Variants in RILPL1 observed in about 807,000 individuals in gnomAD.
RILPL1 encodes the protein RILP-like protein 1.
A neutral mutation model predicts 50.3 loss-of-function variants in RILPL1; 33 were observed. The observed-to-expected ratio is 0.66, with a 90% CI of 0.50 to 0.88. RILPL1 has a LOEUF of 0.88. Ranked by LOEUF, RILPL1 falls within the 40% of genes least tolerant of loss-of-function variation. The pLI, the probability that RILPL1 is intolerant of heterozygous loss-of-function variation, is 0.00. For missense variants in RILPL1, 418 were observed against 542.5 expected (o/e 0.77, Z 2.28); for synonymous variants, 205 against 228.6 (o/e 0.90, Z 0.93).
chr12:123,511,769 TTG>T (rs1245413492), intron 2 of RILPL1, among the ~76,000 whole-genome samples: 18 of 73,762 alleles, frequency 2.4e-4, no homozygotes, highest in Admixed American at 4.2e-4. Context: ...TGTGTGAGGT[TTG>T]TGTGTGTGTG....
chr12:123,528,285 G>A (rs1885326934), intron 1 of RILPL1, among the ~76,000 whole-genome samples: 1 of 151,352 alleles, frequency 6.6e-6, no homozygotes, highest in Non-Finnish European at 1.5e-5. Flanking sequence ...CTTGAGCCCA[G>A]GAGGCTGAAG....
intron 1 of RILPL1, among the ~76,000 whole-genome samples, chr12:123,525,716 A>AAAAAAAAAAAAAAAAAAAAC (rs1885226754): frequency 7.5e-6 from 1 of 133,380 alleles, no homozygotes; most frequent in African/African-American, 2.6e-5. Context: ...AAAAAAAAAA[A>AAAAAAAAAAAAAAAAAAAAC]AAAAAAAAGA....
intron 6 of RILPL1, chr12:123,475,552 C>T (rs1309876814): frequency 3.1e-5 from 22 of 704,928 alleles, no homozygotes; most frequent in South Asian, 6.1e-5. Context: ...ACACAGGTGG[C>T]GGCCATGCAG....
chr12:123,496,046 CCT>C (rs1001295740), intron 4 of RILPL1, among the ~76,000 whole-genome samples: 10 of 148,180 alleles, frequency 6.7e-5, no homozygotes, highest in African/African-American at 1.7e-4. Flanking sequence ...GAGTCTCACC[CCT>C]GTCGCCCAGG....
At chr12:123,511,580 G>GT in intron 2 of RILPL1, among the ~76,000 whole-genome samples, 1 of 134,656 alleles carries the variant, frequency 7.4e-6, no homozygotes, top group South Asian at 2.5e-4. Context: ...TGAGGTCTGT[G>GT]GGTGGTGTGA....
At chr12:123,521,183 G>A (rs570306469) in intron 2 of RILPL1, among the ~76,000 whole-genome samples, 277 of 152,128 alleles carry the variant, frequency 1.8e-3, no homozygotes, top group Non-Finnish European at 2.6e-3. Flanking sequence ...GATTCTAAGC[G>A]GTCTGTACAG....
chr12:123,520,228 T>C (rs1358461216), intron 2 of RILPL1, among the ~76,000 whole-genome samples: 1 of 152,170 alleles, frequency 6.6e-6, no homozygotes, highest in Non-Finnish European at 1.5e-5. Flanking sequence ...ACATGCAGTA[T>C]GGCCATAGAA....
intron 4 of RILPL1, among the ~76,000 whole-genome samples, chr12:123,496,787 T>C (rs886837334): frequency 6.6e-6 from 1 of 152,230 alleles, no homozygotes; most frequent in African/African-American, 2.4e-5. Context: ...GCCCACTTTG[T>C]AGCCCTGGGC....
intron 2 of RILPL1, among the ~76,000 whole-genome samples, chr12:123,504,304 ATTTC>A (rs989098072): frequency 6.6e-6 from 1 of 151,778 alleles, no homozygotes; most frequent in Non-Finnish European, 1.5e-5. Context: ...CCCCTCAGCT[ATTTC>A]TTTGGCATGA....
intron 6 of RILPL1, among the ~76,000 whole-genome samples, chr12:123,481,676 C>T (rs891469287): frequency 6.6e-6 from 1 of 151,900 alleles, no homozygotes; most frequent in Admixed American, 6.6e-5. Flanking sequence ...CCTGCCTCAG[C>T]CTCCCAAGTA....
intron 6 of RILPL1, among the ~76,000 whole-genome samples, chr12:123,477,050 C>T (rs563914885): frequency 1.2e-4 from 18 of 152,230 alleles, no homozygotes; most frequent in South Asian, 1.0e-3. Flanking sequence ...CCAGGCAGGA[C>T]GAGGGCTGAG....
chr12:123,510,608 G>A (rs1443494053), intron 2 of RILPL1, among the ~76,000 whole-genome samples: 1 of 94,754 alleles, frequency 1.1e-5, no homozygotes, highest in Non-Finnish European at 2.2e-5. Context: ...TGTGGGGTCT[G>A]TGTGTGTGTG....
At position 123,475,964 on chromosome 12, in the gene RILPL1, C is replaced by T. The variant is rs1056600871; in HGVS notation, c.1068-3282G>A. ...TCTCGTCCAGGCTGGAGTGCGGTGG[C>T]GCAATCTCAGCTTACTGCAACCTCC... On this transcript the variant is annotated intron_variant, in intron 6 of 6. Transcript: ENST00000376874. 6.2e-5 allele frequency: 29 copies of T among 467,606 alleles called. No homozygotes were observed. The East Asian group carries it at 7.7e-4, about 12-fold the overall frequency. The allele number at this position is 467,606 out of a possible 1,614,324, so 29.0% of individuals were successfully genotyped here.
intron 6 of RILPL1, among the ~76,000 whole-genome samples, chr12:123,481,810 G>A (rs1882022507): frequency 6.6e-6 from 1 of 151,844 alleles, no homozygotes; most frequent in South Asian, 2.1e-4. Flanking sequence ...ACTCGCCTCG[G>A]CCTCCCAAAG....
intron 2 of RILPL1, among the ~76,000 whole-genome samples, chr12:123,521,890 A>G (rs1397597937): frequency 6.6e-6 from 1 of 151,688 alleles, no homozygotes; most frequent in Non-Finnish European, 1.5e-5. Context: ...CTCCTGCCTC[A>G]GCCTCCTGAG....
At chr12:123,472,900 T>C in intron 6 of RILPL1, 1 of 537,672 alleles carries the variant, frequency 1.9e-6, no homozygotes, top group Non-Finnish European at 3.4e-6. Context: ...GGTCACGCGG[T>C]ATGGGCAAGG....
chr12:123,522,889 G>A lies in RILPL1; in HGVS notation c.460+606C>T, dbSNP rs1042306705. 4.6e-5 allele frequency among the ~76,000 whole-genome samples: 7 copies of A among 152,134 alleles called. No individual in the cohort carries two copies. Among genetic ancestry groups the A allele is most frequent in the South Asian group, 2.1e-4 (1 of 4,826 alleles). On this transcript the variant is annotated intron_variant, in intron 2 of 6. Transcript: ENST00000376874. This position sits in a 1 kb window ranked among gnomAD's most constrained non-coding sequence, Gnocchi z 4.0. ...ATCACAGGTGTGAGCCACTGCGCGCGGCCTACACCGGCCTTCTTGGTTTCC... is the reference window on the plus strand; with the variant it reads ...ATCACAGGTGTGAGCCACTGCGCGCAGCCTACACCGGCCTTCTTGGTTTCC...
At chr12:123,532,403 C>CAA (rs2139397167) in intron 1 of RILPL1, among the ~76,000 whole-genome samples, 1 of 152,318 alleles carries the variant, frequency 6.6e-6, no homozygotes, top group Non-Finnish European at 1.5e-5. Flanking sequence ...CACCCCAAAT[C>CAA]ATCCCTTTCC....
chr12:123,530,567 T>C (rs868431812), intron 1 of RILPL1, among the ~76,000 whole-genome samples: 2 of 152,348 alleles, frequency 1.3e-5, no homozygotes, highest in Middle Eastern at 6.8e-3. Context: ...GCCTCATCTG[T>C]CATGGTCATT....
Sources: allele counts gnomAD v4.1 joint callset (sites outside exome capture counted in the v4.1 genomes callset), GRCh38; gene constraint gnomAD v4.1.1; non-coding constraint Gnocchi (gnomAD v3.1); transcripts MANE v1.5; gene names NCBI Gene and HGNC (gene_info 2026-07-23, HGNC 2026-07-21).